ZCWPW2: variants seen among roughly 807,000 people sequenced by gnomAD.
The protein encoded by ZCWPW2 is zinc finger CW-type and PWWP domain containing 2, also known as zinc finger CW-type PWWP domain protein 2.
Under a neutral mutation model 46.6 loss-of-function variants are expected in ZCWPW2, and 45 were observed. The ratio of observed to expected loss-of-function variants is 0.96; its 90% CI spans 0.76 to 1.24. The LOEUF (loss-of-function observed/expected upper bound fraction) is 1.24. Among genes scored for constraint, ZCWPW2 ranks in the 50% most tolerant of loss-of-function variants. The pLI, the probability that ZCWPW2 is intolerant of heterozygous loss-of-function variation, is 0.00. For synonymous variants in ZCWPW2, 152 were observed against 137.1 expected, an observed-to-expected ratio of 1.11 and a Z score of -0.76; for missense variants, 429 against 403.9, an observed-to-expected ratio of 1.06 and a Z score of -0.53.
chr3:28,417,675 G>C (rs537582801), intron 3 of ZCWPW2, among the ~76,000 whole-genome samples: 65 of 130,124 alleles, frequency 5.0e-4, no homozygotes, highest in Middle Eastern at 3.5e-3. Context: ...CCATGATCAA[G>C]TGGGCTTCAT....
At chr3:28,469,225 A>G (rs1698945463) in intron 4 of ZCWPW2, among the ~76,000 whole-genome samples, 1 of 152,162 alleles carries the variant, frequency 6.6e-6, no homozygotes, top group Admixed American at 6.5e-5. Context: ...TACAACAGGT[A>G]CACAAATTAA....
At chr3:28,456,538 C>G (rs191877349) in intron 4 of ZCWPW2, among the ~76,000 whole-genome samples, 44 of 152,276 alleles carry the variant, frequency 2.9e-4, no homozygotes, top group African/African-American at 1.0e-3. Context: ...GAGAGGCAAT[C>G]CTTATCTTGT....
intron 4 of ZCWPW2, among the ~76,000 whole-genome samples, chr3:28,450,977 C>A (rs1364699605): frequency 2.0e-5 from 3 of 152,270 alleles, no homozygotes; most frequent in Admixed American, 1.3e-4. Context: ...GTAGGTAGGA[C>A]CAGTGGCTTG....
chr3:28,476,596 A>G (rs912823484), intron 4 of ZCWPW2, among the ~76,000 whole-genome samples: 3 of 152,194 alleles, frequency 2.0e-5, no homozygotes, highest in Non-Finnish European at 2.9e-5. Context: ...TTCATGGAAG[A>G]CAATTTTTCC....
chr3:28,372,576 A>G (rs572394982), intron 1 of ZCWPW2, among the ~76,000 whole-genome samples: 1 of 152,232 alleles, frequency 6.6e-6, no homozygotes, highest in South Asian at 2.1e-4. Context: ...TTCTGCTAGT[A>G]TTTTTCTGTG....
intron 4 of ZCWPW2, among the ~76,000 whole-genome samples, chr3:28,473,928 A>G (rs938076181): frequency 6.6e-6 from 1 of 152,214 alleles, no homozygotes. Context: ...TACAAAAAAT[A>G]GAAAGAATGA....
chr3:28,423,524 G>A (rs1259546388), intron 3 of ZCWPW2, among the ~76,000 whole-genome samples: 1 of 151,414 alleles, frequency 6.6e-6, no homozygotes, highest in African/African-American at 2.4e-5. Flanking sequence ...CTGCTACCAC[G>A]CCCAGCTAAT....
At position 28,478,772 on chromosome 3, in the gene ZCWPW2, T is replaced by C. The variant is rs887299392; in HGVS notation, c.493-42T>C. On this transcript the variant is annotated intron_variant, in intron 4 of 9. Coordinates refer to ENST00000383768, the MANE Select transcript of ZCWPW2 (RefSeq NM_001040432.4). The stretch of plus-strand genomic sequence containing the variant: ...AAGTGGATTTTAAAACAAAGTTATA[T>C]ATTTAAAAATGAATTTTTTTCTTTT... The C allele has an allele frequency of 5.6e-6, 6 of 1,072,508 alleles. No individual in the cohort carries two copies. The South Asian group carries it at 1.1e-4, about 19-fold the overall frequency. 66.4% of individuals were successfully genotyped at this position (1,072,508 alleles called of 1,614,324 possible).
At chr3:28,504,994 G>A (rs1303789619) in intron 6 of ZCWPW2, among the ~76,000 whole-genome samples, 1 of 152,138 alleles carries the variant, frequency 6.6e-6, no homozygotes, top group Non-Finnish European at 1.5e-5. Context: ...TAAATTAAAT[G>A]TAAGGCTTTA....
chr3:28,509,763 A>G (rs1177349328), intron 6 of ZCWPW2, among the ~76,000 whole-genome samples: 2 of 151,934 alleles, frequency 1.3e-5, no homozygotes, highest in Non-Finnish European at 2.9e-5. Context: ...TTTTTTTCTC[A>G]TTATGTAGAT....
chr3:28,390,737 T>G, intron 2 of ZCWPW2, 120 bp downstream of exon 2: 1 of 745,034 alleles, frequency 1.3e-6, no homozygotes, highest in Non-Finnish European at 1.6e-6. Context: ...CTGTATAACT[T>G]CTCTATGAAA....
At chr3:28,408,724 TCTTA>T (rs935331467) in intron 2 of ZCWPW2, among the ~76,000 whole-genome samples, 21 of 152,198 alleles carry the variant, frequency 1.4e-4, no homozygotes, top group African/African-American at 4.3e-4. Flanking sequence ...AGCCTATTTT[TCTTA>T]CTTATTAAAC....
intron 1 of ZCWPW2, among the ~76,000 whole-genome samples, chr3:28,383,082 A>G (rs1695158223): frequency 6.6e-6 from 1 of 152,142 alleles, no homozygotes; most frequent in Non-Finnish European, 1.5e-5. Context: ...ACCTTGAAGG[A>G]GAGGGTAATT....
intron 2 of ZCWPW2, among the ~76,000 whole-genome samples, chr3:28,391,302 A>AAT (rs1270869614): frequency 6.7e-6 from 1 of 148,802 alleles, no homozygotes; most frequent in Non-Finnish European, 1.5e-5. Flanking sequence ...TGCCAGCAAT[A>AAT]TGGAGCACTA....
chr3:28,408,276 A>G (rs541204390), intron 2 of ZCWPW2, among the ~76,000 whole-genome samples: 1 of 152,296 alleles, frequency 6.6e-6, no homozygotes, highest in East Asian at 1.9e-4. Context: ...TGTCATAATG[A>G]ATTTTCATAA....
At chr3:28,515,754 T>C (rs1700548920) in intron 8 of ZCWPW2, 133 bp downstream of exon 8, 3 of 653,222 alleles carry the variant, frequency 4.6e-6, no homozygotes, top group Non-Finnish European at 7.7e-6. Flanking sequence ...TGTATACACA[T>C]ATATACATGT....
chr3:28,441,851 C>A (rs1461533594), intron 4 of ZCWPW2, among the ~76,000 whole-genome samples: 5 of 152,140 alleles, frequency 3.3e-5, no homozygotes, highest in Non-Finnish European at 5.9e-5. Context: ...CAGTTTCCAC[C>A]AAAGCCCAGT....
chr3:28,446,263 G>A (rs1697986423), intron 4 of ZCWPW2, among the ~76,000 whole-genome samples: 1 of 152,068 alleles, frequency 6.6e-6, no homozygotes, highest in Non-Finnish European at 1.5e-5. Context: ...TACAATAGAT[G>A]ACATGATGGA....
At chr3:28,439,015 T>G (rs1025183734) in intron 4 of ZCWPW2, among the ~76,000 whole-genome samples, 1 of 113,162 alleles carries the variant, frequency 8.8e-6, no homozygotes, top group South Asian at 3.6e-4. Flanking sequence ...GGGACAGAAC[T>G]AATAGTATAT....
Sources: allele counts gnomAD v4.1 joint callset (sites outside exome capture counted in the v4.1 genomes callset), GRCh38; gene constraint gnomAD v4.1.1; transcripts MANE v1.5; gene names NCBI Gene and HGNC (gene_info 2026-07-23, HGNC 2026-07-21).